TASP1: variants seen among roughly 807,000 people sequenced by gnomAD.
TASP1 encodes the protein threonine aspartase 1.
In TASP1, 16 loss-of-function variants were observed where a neutral mutation model predicts 56.6. That is an observed-to-expected ratio of 0.28 (90% CI 0.19 to 0.43). TASP1 has a LOEUF of 0.43. Ranked by LOEUF, TASP1 falls within the 20% of genes least tolerant of loss-of-function variation. The pLI is 1.00. For synonymous variants in TASP1, 179 were observed against 184.2 expected, an observed-to-expected ratio of 0.97 and a Z score of 0.23; for missense variants, 393 against 511.6, an observed-to-expected ratio of 0.77 and a Z score of 2.24.
Position 13,587,383 on chromosome 20 carries a change from A to C in TASP1, c.283-13T>G, listed in dbSNP as rs1328219440. The C allele has an allele frequency of 6.3e-7, 1 of 1,580,498 alleles. No individual in the cohort carries two copies. The highest frequency in any genetic ancestry group is 8.6e-7 in the Non-Finnish European group (1 of 1,164,894). ...TAAAAGGAGAATCCTAAAAGACAAAAACAAAAATTAAAATATCATTAGTCT... is the reference window on the plus strand; with the variant it reads ...TAAAAGGAGAATCCTAAAAGACAAACACAAAAATTAAAATATCATTAGTCT... On this transcript the variant is annotated splice_polypyrimidine_tract_variant and intron_variant, in intron 4 of 13. Transcript: ENST00000337743.
intron 10 of TASP1, among the ~76,000 whole-genome samples, chr20:13,494,854 G>T (rs897604894): frequency 6.6e-6 from 1 of 151,694 alleles, no homozygotes; most frequent in Non-Finnish European, 1.5e-5. Context: ...ATTTTAACCA[G>T]AAAGTCCTAT....
chr20:13,126,560 C>A, the TASP1 span: 1 of 1,610,752 alleles, frequency 6.2e-7, no homozygotes, highest in South Asian at 1.1e-5. Context: ...ATTTATTTGC[C>A]TTCTTTTTGG....
At chr20:13,291,983 T>C in the TASP1 span, among the ~76,000 whole-genome samples, 161 of 152,318 alleles carry the variant, frequency 1.1e-3, no homozygotes, top group African/African-American at 3.5e-3. Flanking sequence ...ACGTGGCTAG[T>C]AATGATTTCA....
At chr20:13,190,492 T>C in the TASP1 span, among the ~76,000 whole-genome samples, 1 of 152,116 alleles carries the variant, frequency 6.6e-6, no homozygotes, top group Non-Finnish European at 1.5e-5. Context: ...AGGGACAGTC[T>C]CCTCAGTGAG....
At chr20:13,622,706 T>C (rs1355316233) in intron 4 of TASP1, among the ~76,000 whole-genome samples, 1 of 152,216 alleles carries the variant, frequency 6.6e-6, no homozygotes, top group Non-Finnish European at 1.5e-5. Context: ...CTCATCATTG[T>C]TTTTGTCATC....
chr20:13,601,861 C>A (rs2047969380), intron 4 of TASP1, among the ~76,000 whole-genome samples: 1 of 143,244 alleles, frequency 7.0e-6, no homozygotes, highest in South Asian at 2.2e-4. Flanking sequence ...AAACCCATAA[C>A]CCCATTCTTT....
intron 4 of TASP1, among the ~76,000 whole-genome samples, chr20:13,601,762 A>C (rs1408916673): frequency 1.3e-5 from 2 of 152,132 alleles, no homozygotes; most frequent in African/African-American, 4.8e-5. Flanking sequence ...ATACAAGTCA[A>C]CATCAACAGC....
At chr20:13,391,278 A>G (rs1294216142) in intron 13 of TASP1, among the ~76,000 whole-genome samples, 1 of 152,206 alleles carries the variant, frequency 6.6e-6, no homozygotes, top group Non-Finnish European at 1.5e-5. Flanking sequence ...GTGTTACAAC[A>G]TCACTCAGAG....
At chr20:13,555,102 G>A (rs1363364646) in intron 8 of TASP1, among the ~76,000 whole-genome samples, 1 of 152,040 alleles carries the variant, frequency 6.6e-6, no homozygotes, top group East Asian at 1.9e-4. Context: ...TTTAAATCCT[G>A]GCTGGGCACG....
chr20:13,310,629 A>G, the TASP1 span, among the ~76,000 whole-genome samples: 1 of 152,234 alleles, frequency 6.6e-6, no homozygotes, highest in South Asian at 2.1e-4. Flanking sequence ...CAGAGTAAAG[A>G]GAAAAATTAT....
chr20:13,256,009 G>T, the TASP1 span, among the ~76,000 whole-genome samples: 4 of 151,952 alleles, frequency 2.6e-5, no homozygotes, highest in African/African-American at 9.7e-5. Flanking sequence ...GATCCACCAG[G>T]CAGTGATACC....
chr20:13,387,206 T>C (rs1337957819), downstream of TASP1, among the ~76,000 whole-genome samples: 2 of 145,576 alleles, frequency 1.4e-5, no homozygotes, highest in Admixed American at 6.8e-5. Flanking sequence ...TTTTTTTTTT[T>C]TTTTGAGATG....
the TASP1 span, among the ~76,000 whole-genome samples, chr20:13,269,643 C>A: frequency 6.6e-6 from 1 of 152,132 alleles, no homozygotes; most frequent in African/African-American, 2.4e-5. Flanking sequence ...CAGGGTGCCA[C>A]CTTCTCTTGT....
intron 4 of TASP1, among the ~76,000 whole-genome samples, chr20:13,618,886 T>C (rs866657867): frequency 2.1e-4 from 32 of 150,344 alleles, no homozygotes; most frequent in Middle Eastern, 3.2e-3. Flanking sequence ...TTTTTTTTTT[T>C]AGACAGAGTC....
the TASP1 span, among the ~76,000 whole-genome samples, chr20:13,123,218 C>G: frequency 1.3e-5 from 2 of 152,046 alleles, no homozygotes; most frequent in African/African-American, 4.8e-5. Context: ...GTATTCCCAG[C>G]TACTCGGGAG....
chr20:13,434,089 G>A (rs78406267), intron 12 of TASP1, among the ~76,000 whole-genome samples: 5 of 151,964 alleles, frequency 3.3e-5, no homozygotes, highest in Non-Finnish European at 7.4e-5. Context: ...AACTTTGGAG[G>A]GGATAAAGAC....
chr20:13,556,981 T>C (rs1206005896), intron 8 of TASP1, among the ~76,000 whole-genome samples: 2 of 152,238 alleles, frequency 1.3e-5, no homozygotes, highest in South Asian at 2.1e-4. Flanking sequence ...CATTAGAGCA[T>C]GAGCTTCCTC....
At chr20:13,317,790 T>A in the TASP1 span, among the ~76,000 whole-genome samples, 2 of 152,038 alleles carry the variant, frequency 1.3e-5, no homozygotes, top group Non-Finnish European at 2.9e-5. Flanking sequence ...AAAAATTAAC[T>A]CAAAATGAAT....
At chr20:13,395,542 A>C (rs1478770203) in intron 13 of TASP1, among the ~76,000 whole-genome samples, 2 of 152,204 alleles carry the variant, frequency 1.3e-5, no homozygotes, top group Non-Finnish European at 2.9e-5. Flanking sequence ...TCCATTTAAC[A>C]ACAAGTTAAG....
Sources: allele counts gnomAD v4.1 joint callset (sites outside exome capture counted in the v4.1 genomes callset), GRCh38; gene constraint gnomAD v4.1.1; transcripts MANE v1.5; gene names NCBI Gene and HGNC (gene_info 2026-07-23, HGNC 2026-07-21).